CHRNA3: variants seen among roughly 807,000 people sequenced by gnomAD.
The protein encoded by CHRNA3 is neuronal acetylcholine receptor subunit alpha-3.
Under a neutral mutation model 41.9 loss-of-function variants are expected in CHRNA3, and 34 were observed. That is an observed-to-expected ratio of 0.81 (90% CI 0.62 to 1.08). CHRNA3 has a LOEUF of 1.08. CHRNA3 is among the 50% of genes least tolerant of loss of function. The probability of loss-of-function intolerance (pLI) is 0.00; values close to 1 mark genes in which losing one functional copy is unlikely to be tolerated. For synonymous variants in CHRNA3, 281 were observed against 265.2 expected (o/e 1.06, Z -0.58); for missense variants, 542 against 638.3 (o/e 0.85, Z 1.63).
At chr15:78,606,823 T>C (rs2053295811) in intron 4 of CHRNA3, among the ~76,000 whole-genome samples, 1 of 151,952 alleles carries the variant, frequency 6.6e-6, no homozygotes, top group African/African-American at 2.4e-5. Context: ...GGTGTGAACC[T>C]GGGAGGCGGA....
rs569845137 is a variant in CHRNA3 at position 78,597,250 on chromosome 15, T to C, written c.1390-518A>G. Among the ~76,000 whole-genome samples the C allele has an allele frequency of 6.6e-5, 10 of 152,196 alleles. No individual in the cohort carries two copies. The East Asian group carries it at 1.9e-3, about 29-fold the overall frequency. ...CCTGGCCAACATGGTGAAACCCTGTTGAAACCCTGTCTCTACCAAAAATAC... is the reference window on the plus strand; with the variant it reads ...CCTGGCCAACATGGTGAAACCCTGTCGAAACCCTGTCTCTACCAAAAATAC... On this transcript the variant is annotated intron_variant, in intron 5 of 5. Coordinates refer to ENST00000326828, the MANE Select transcript of CHRNA3 (RefSeq NM_000743.5).
chr15:78,609,894 C>G (rs917632636), intron 4 of CHRNA3, among the ~76,000 whole-genome samples: 3 of 151,990 alleles, frequency 2.0e-5, no homozygotes, highest in Admixed American at 2.0e-4. Context: ...ATCTACCAAG[C>G]AAATGGAAAA....
chr15:78,618,994 A>T (rs751923278), intron 1 of CHRNA3, 79 bp from the exon 2 acceptor site: 41 of 1,476,122 alleles, frequency 2.8e-5, no homozygotes, highest in Non-Finnish European at 3.8e-5. Flanking sequence ...AACATCACCC[A>T]TCTACAGCAT....
At chr15:78,616,331 T>G (rs2053459919) in intron 4 of CHRNA3, among the ~76,000 whole-genome samples, 1 of 149,940 alleles carries the variant, frequency 6.7e-6, no homozygotes, top group African/African-American at 2.5e-5. Flanking sequence ...CCAGCCTGGG[T>G]GACAGTAAGA....
chr15:78,606,243 T>C (rs965531336), intron 4 of CHRNA3, among the ~76,000 whole-genome samples: 3 of 150,810 alleles, frequency 2.0e-5, no homozygotes, highest in African/African-American at 7.3e-5. Flanking sequence ...GAAGAATTGC[T>C]TGAATCTGAG....
chr15:78,609,391 T>C (rs1364138140), intron 4 of CHRNA3, among the ~76,000 whole-genome samples: 2 of 152,180 alleles, frequency 1.3e-5, no homozygotes, highest in East Asian at 1.9e-4. Context: ...CGGCAGATAC[T>C]CTACAAGCCA....
chr15:78,615,311 C>T (rs2053444364), intron 4 of CHRNA3, among the ~76,000 whole-genome samples: 1 of 152,156 alleles, frequency 6.6e-6, no homozygotes, highest in South Asian at 2.1e-4. Flanking sequence ...GGCAGGTTTG[C>T]TGTTGGGAGA....
chr15:78,619,110 C>T, intron 1 of CHRNA3, 195 bp from the exon 2 acceptor site: 1 of 628,154 alleles, frequency 1.6e-6, no homozygotes, highest in Non-Finnish European at 2.7e-6. Context: ...CAGGATTCTA[C>T]CTGGCCACAC....
chr15:78,617,085 C>T lies in CHRNA3; in HGVS notation c.316G>A (p.Ala106Thr). 2 of 1,613,806 alleles carry T rather than the reference C, an allele frequency of 1.2e-6. No individual in the cohort carries two copies. Among genetic ancestry groups the T allele is most frequent in the Non-Finnish European group, 1.7e-6 (2 of 1,179,850 alleles). Reference sequence around the variant, plus strand: ...TGTGCAGGGACACGCATGAACTCTGCCCCACCATAGTCAGAGGGGTTCCAT... The same window carrying T: ...TGTGCAGGGACACGCATGAACTCTGTCCCACCATAGTCAGAGGGGTTCCAT... Reference protein sequence around the residue: ...LKWNPSDYGGAEFMRVPAQKI... With the variant: ...LKWNPSDYGGTEFMRVPAQKI... The change falls in exon 4 of 6, where the codon GCA becomes ACA. Residue 106 changes from alanine (A) to threonine (T), a missense_variant. Ala to Thr is a moderately conservative substitution (Grantham distance 58). Coordinates refer to ENST00000326828, the MANE Select transcript of CHRNA3 (RefSeq NM_000743.5).
Position 78,601,421 on chromosome 15 carries a change from G to A in CHRNA3, c.1221C>T (p.His407=). ...CQDGMCGYCH[H]RRIKISNFSA... ...TGAAATTGGAGATTTTTATCCTGCG[G>A]TGGTGGCAGTAACCACACATCCCGT... Residue 407 remains histidine, a synonymous_variant, in exon 5 of 6, where the codon CAC becomes CAT. Coordinates refer to ENST00000326828, the MANE Select transcript of CHRNA3 (RefSeq NM_000743.5). The A allele has an allele frequency of 6.2e-7, 1 of 1,614,164 alleles. No homozygotes were observed. Among genetic ancestry groups the A allele is most frequent in the Non-Finnish European group, 8.5e-7 (1 of 1,180,044 alleles).
rs201983342 is a variant in CHRNA3 at position 78,596,666 on chromosome 15, C to T, written c.1456G>A (p.Val486Met). The change falls in exon 6 of 6, where the codon GTG becomes ATG. Residue 486 changes from valine to methionine, a missense_variant. Coordinates refer to ENST00000326828, the MANE Select transcript of CHRNA3 (RefSeq NM_000743.5). ...AATCCTGCTGTCCCTAGAATGCACA[C>T]CAGGGTGAAAACCCACAGAAAAATA... Reference protein sequence around the residue: ...DRIFLWVFTLVCILGTAGLFL... With the variant: ...DRIFLWVFTLMCILGTAGLFL... 1 of 1,613,248 alleles carries T rather than the reference C, an allele frequency of 6.2e-7. No homozygotes were observed. Among genetic ancestry groups the T allele is most frequent in the Non-Finnish European group, 8.5e-7 (1 of 1,179,896 alleles).
In CHRNA3 at chr15:78,611,107, A is replaced by G. The variant is rs559594407; in HGVS notation, c.377+5917T>C. Among the ~76,000 whole-genome samples, 8 of 152,318 alleles carry G rather than the reference A, an allele frequency of 5.3e-5. No individual in the cohort carries two copies. The South Asian group carries it at 1.7e-3, about 32-fold the overall frequency. On this transcript the variant is annotated intron_variant, in intron 4 of 5. Transcript: ENST00000326828. ...GCTTACCAACCAAAAAAAGTCCAGGACCAGATGGATTCACAGCTGAATTCT... is the reference window on the plus strand; with the variant it reads ...GCTTACCAACCAAAAAAAGTCCAGGGCCAGATGGATTCACAGCTGAATTCT...
chr15:78,597,300 C>T (rs1279866448), intron 5 of CHRNA3, among the ~76,000 whole-genome samples: 19 of 152,132 alleles, frequency 1.2e-4, no homozygotes, highest in Non-Finnish European at 1.3e-4. Context: ...AGTGGTGGCA[C>T]ATGCCTGTAA....
At chr15:78,613,164 A>T (rs1035405325) in intron 4 of CHRNA3, among the ~76,000 whole-genome samples, 8 of 152,214 alleles carry the variant, frequency 5.3e-5, no homozygotes, top group African/African-American at 1.9e-4. Flanking sequence ...CAGTGTGCCG[A>T]TTCCTCAGGG....
chr15:78,620,576 G>C (rs2053533910), intron 1 of CHRNA3, 137 bp downstream of exon 1: 2 of 1,338,898 alleles, frequency 1.5e-6, no homozygotes, highest in East Asian at 3.2e-5. Flanking sequence ...GAGCCAGTCT[G>C]CGCGGGTTCC....
At chr15:78,616,889 A>T (rs556400336) in intron 4 of CHRNA3, 135 bp downstream of exon 4, 5 of 599,422 alleles carry the variant, frequency 8.3e-6, no homozygotes, top group Non-Finnish European at 1.5e-5. Flanking sequence ...TGCTGATTAC[A>T]TACCTATGGA....
intron 4 of CHRNA3, among the ~76,000 whole-genome samples, chr15:78,603,662 T>C (rs2053239586): frequency 6.6e-6 from 1 of 152,216 alleles, no homozygotes; most frequent in Non-Finnish European, 1.5e-5. Flanking sequence ...AAGGGGAATG[T>C]TGTGGTGCAT....
In CHRNA3 at chr15:78,620,886, A is replaced by T. The variant is rs1335877120; in HGVS notation, c.-92T>A. The T allele has an allele frequency of 7.9e-7, 1 of 1,272,972 alleles. No homozygotes were observed. Among genetic ancestry groups the T allele is most frequent in the Admixed American group, 4.3e-5 (1 of 23,220 alleles). The allele number at this position is 1,272,972 out of a possible 1,614,324, so 78.9% of individuals were successfully genotyped here. On this transcript the variant is annotated 5_prime_UTR_variant, in exon 1 of 6. Transcript: ENST00000326828. ...CTCTCCCCGCGCGGCTCCAGCGCAGACCCCAGACCTGGAGCCGTGCGGGCG... is the reference window on the plus strand; with the variant it reads ...CTCTCCCCGCGCGGCTCCAGCGCAGTCCCCAGACCTGGAGCCGTGCGGGCG...
At chr15:78,606,723 G>A (rs1016125356) in intron 4 of CHRNA3, among the ~76,000 whole-genome samples, 10 of 151,254 alleles carry the variant, frequency 6.6e-5, no homozygotes, top group Admixed American at 4.6e-4. Flanking sequence ...GTGAAACCCC[G>A]TCTCTACTAA....
Sources: gnomAD v4.1 joint callset for allele counts (sites outside exome capture counted in the v4.1 genomes callset) on GRCh38, gnomAD v4.1.1 for gene constraint, MANE v1.5 for transcripts, NCBI Gene and HGNC (gene_info 2026-07-23, HGNC 2026-07-21) for gene names.